The following POLA2 variants were observed in gnomAD, a reference collection of about 807,000 sequenced individuals.
POLA2 encodes DNA polymerase alpha 2, accessory subunit.
Under a neutral mutation model 82.8 loss-of-function variants are expected in POLA2, and 47 were observed. The observed-to-expected ratio is 0.57, with a 90% confidence interval of 0.45 to 0.72. The LOEUF (loss-of-function observed/expected upper bound fraction) is 0.72. Among genes scored for constraint, POLA2 ranks in the 30% least tolerant of loss-of-function variants. POLA2 has a pLI of 0.00. For synonymous variants in POLA2, 287 were observed against 286.8 expected (o/e 1.00, Z -0.01); for missense variants, 634 against 728.1 (o/e 0.87, Z 1.49).
At chr11:65,269,478 C>T (rs559522195) in intron 4 of POLA2, among the ~76,000 whole-genome samples, 15 of 149,236 alleles carry the variant, frequency 1.0e-4, no homozygotes, top group Admixed American at 9.3e-4. Flanking sequence ...CAGAGCGAGA[C>T]TCCGTCTCAA....
At chr11:65,263,128 A>C (rs1279663085) in intron 1 of POLA2, among the ~76,000 whole-genome samples, 1 of 152,196 alleles carries the variant, frequency 6.6e-6, no homozygotes, top group African/African-American at 2.4e-5. Flanking sequence ...TCTTATATAC[A>C]AAAAGATAAC....
chr11:65,273,314 A>C (rs908689702), intron 4 of POLA2, among the ~76,000 whole-genome samples: 2 of 152,172 alleles, frequency 1.3e-5, no homozygotes, highest in Admixed American at 1.3e-4. Flanking sequence ...CCTCCGTCTC[A>C]AAAAACAAAA....
At chr11:65,280,913 C>A in intron 7 of POLA2, 79 bp from the exon 8 acceptor site, 1 of 1,399,896 alleles carries the variant, frequency 7.1e-7, no homozygotes, top group Non-Finnish European at 9.9e-7. Flanking sequence ...GTTTGTTTTG[C>A]TATTCACCCT....
intron 8 of POLA2, 127 bp downstream of exon 8, chr11:65,281,274 C>A: frequency 1.0e-6 from 1 of 986,726 alleles, no homozygotes; most frequent in Non-Finnish European, 1.5e-6. Flanking sequence ...GGAGCACATG[C>A]CCCAGAGCAG....
Position 65,294,643 on chromosome 11 carries a change from A to C in POLA2, c.1451A>C (p.Glu484Ala), listed in dbSNP as rs1224169409. 3 of 1,611,650 alleles carry C rather than the reference A, an allele frequency of 1.9e-6. No individual in the cohort carries two copies. ...TDLLFHLGAEEISSSSGTSDR... is the reference protein window; with the variant it reads ...TDLLFHLGAEAISSSSGTSDR... The stretch of plus-strand genomic sequence containing the variant: ...CTGCTTTTCCACCTGGGGGCCGAGG[A>C]GATCAGTAGGTAAGAAGTGTGTTCC... The change falls in exon 15 of 18, where the codon GAG (glutamate) becomes GCG (alanine). Residue 484 changes from glutamate (E) to alanine (A), a missense_variant. Transcript: ENST00000265465.
intron 1 of POLA2, among the ~76,000 whole-genome samples, chr11:65,265,464 C>G (rs1440712604): frequency 2.0e-5 from 3 of 151,972 alleles, no homozygotes; most frequent in Non-Finnish European, 4.4e-5. Flanking sequence ...CTTTTAGCTT[C>G]TTAGACACTA....
chr11:65,296,672 C>T (rs1042793077), intron 17 of POLA2, among the ~76,000 whole-genome samples: 14 of 152,078 alleles, frequency 9.2e-5, no homozygotes, highest in Admixed American at 4.6e-4. Context: ...TGAGGCCGGG[C>T]GCAGTGGTTG....
In POLA2 at chr11:65,294,241, C is replaced by T. The variant is rs902322318; in HGVS notation, c.1333C>T (p.Leu445=). 1.9e-6 allele frequency: 3 copies of T among 1,613,928 alleles called. No individual in the cohort carries two copies. The African/African-American group carries it at 4.0e-5, about 22-fold the overall frequency. Residue 445 remains leucine, a synonymous_variant, in exon 14 of 18, where the codon CTG becomes TTG. Transcript: ENST00000265465. ...CCAGCCGCCTTTCAGCTACTCCGATCTGTCTCGAGAGGACAAAAAGGTAGC... is the reference window on the plus strand; with the variant it reads ...CCAGCCGCCTTTCAGCTACTCCGATTTGTCTCGAGAGGACAAAAAGGTAGC... The part of the protein sequence containing the change: ...YPQPPFSYSD[L]SREDKKQVQF...
chr11:65,304,161 AC>A lies in POLA2; in HGVS notation c.657-1209del, dbSNP rs1214136787. On this transcript the variant is annotated intron_variant, in intron 8 of 8. Transcript: ENST00000525924. ...TGCTATCCCCGGCATCCTACCATCCACCCATCCGTCCACCCATCCATTTACC... is the reference window on the plus strand; with the variant it reads ...TGCTATCCCCGGCATCCTACCATCCACCATCCGTCCACCCATCCATTTACC... Among the ~76,000 whole-genome samples the A allele has an allele frequency of 2.6e-5, 4 of 151,958 alleles. No individual in the cohort carries two copies. The East Asian group carries it at 7.8e-4, about 29-fold the overall frequency.
chr11:65,289,628 C>G (rs1338004016), intron 12 of POLA2, among the ~76,000 whole-genome samples, 171 bp from the exon 13 acceptor site: 2 of 152,218 alleles, frequency 1.3e-5, no homozygotes, highest in African/African-American at 4.8e-5. Context: ...CTCTTCTCCT[C>G]CCTTCGACTA....
At chr11:65,270,051 C>T (rs576756308) in intron 4 of POLA2, among the ~76,000 whole-genome samples, 15 of 152,312 alleles carry the variant, frequency 9.8e-5, no homozygotes, top group Admixed American at 3.3e-4. Flanking sequence ...AGGCTGGTCT[C>T]GTACTCCTCA....
intron 4 of POLA2, among the ~76,000 whole-genome samples, chr11:65,270,275 G>A (rs541594252): frequency 1.6e-4 from 25 of 152,280 alleles, no homozygotes; most frequent in South Asian, 1.2e-3. Flanking sequence ...CCAGCACTCC[G>A]GGAGACCAAG....
chr11:65,266,818 C>T (rs774744643), intron 2 of POLA2, 112 bp downstream of exon 2: 4 of 1,096,402 alleles, frequency 3.6e-6, no homozygotes, highest in South Asian at 1.4e-5. Context: ...GCCTGGATTC[C>T]AGTCCCAGTG....
chr11:65,296,039 G>T, intron 17 of POLA2, 49 bp downstream of exon 17: 1 of 1,611,462 alleles, frequency 6.2e-7, no homozygotes, highest in South Asian at 1.1e-5. Flanking sequence ...CCCAGTCTTT[G>T]ACTTTCCCTT....
rs982901868 is a variant in POLA2 at position 65,284,595 on chromosome 11, G to A, written c.1006+2074G>A. On this transcript the variant is annotated intron_variant, in intron 10 of 17. Transcript: ENST00000265465. The stretch of plus-strand genomic sequence containing the variant: ...AGGTTGTAGTGCAAGGCGCCATCTC[G>A]GCTCACCGCAACCTCCACCTCCCGG... Among the ~76,000 whole-genome samples the A allele has an allele frequency of 7.3e-5, 11 of 150,496 alleles. No homozygotes were observed. The South Asian group carries it at 1.0e-3, about 14-fold the overall frequency.
chr11:65,296,111 T>A, intron 17 of POLA2, 121 bp downstream of exon 17: 1 of 1,051,518 alleles, frequency 9.5e-7, no homozygotes, highest in Non-Finnish European at 1.4e-6. Context: ...TCTAGCACCC[T>A]GCCCTGTGGC....
rs539503359 is a variant in POLA2 at position 65,262,777 on chromosome 11, A to T, written c.79+406A>T. ...CTTGGCTCCTCCCTTTCCAGCCTAC[A>T]CCTTAAACCTCTGCTGATCCATCAG... On this transcript the variant is annotated intron_variant, in intron 1 of 17. Coordinates refer to ENST00000265465, the MANE Select transcript of POLA2 (RefSeq NM_002689.4). 2.0e-5 allele frequency among the ~76,000 whole-genome samples: 3 copies of T among 152,092 alleles called. No homozygotes were observed. The East Asian group carries it at 5.8e-4, about 29-fold the overall frequency.
In POLA2 at chr11:65,266,214, C is replaced by T. The variant is rs376626204; in HGVS notation, c.80-368C>T. On this transcript the variant is annotated intron_variant, in intron 1 of 17. Transcript: ENST00000265465. ...CATCCTTGACTTTCTTTTTCTCATA[C>T]CTTACATTCAGTTAGCAGATCCCAC... 3.9e-5 allele frequency among the ~76,000 whole-genome samples: 6 copies of T among 152,180 alleles called. No individual in the cohort carries two copies. The East Asian group carries it at 9.6e-4, about 24-fold the overall frequency.
intron 10 of POLA2, 45 bp downstream of exon 10, chr11:65,282,566 A>T (rs1010862198): frequency 4.6e-6 from 7 of 1,517,092 alleles, no homozygotes; most frequent in Non-Finnish European, 6.4e-6. Flanking sequence ...TGAGGATGGT[A>T]GACATGAGTC....
Sources: gnomAD v4.1 joint callset for allele counts (sites outside exome capture counted in the v4.1 genomes callset) on GRCh38, gnomAD v4.1.1 for gene constraint, MANE v1.5 for transcripts, NCBI Gene and HGNC (gene_info 2026-07-23, HGNC 2026-07-21) for gene names.